Variants in TMEM51 observed in about 807,000 individuals in gnomAD.
The protein encoded by TMEM51 is transmembrane protein 51.
In TMEM51, 8 loss-of-function variants were observed where a neutral mutation model predicts 13.6. The observed-to-expected ratio is 0.59, with a 90% CI of 0.35 to 1.07. The LOEUF (loss-of-function observed/expected upper bound fraction) is 1.07. Ranked by LOEUF, TMEM51 falls within the 50% of genes least tolerant of loss-of-function variation. The pLI, the probability that TMEM51 is intolerant of heterozygous loss-of-function variation, is 0.02. For missense variants in TMEM51, 279 were observed against 330.7 expected, an observed-to-expected ratio of 0.84 and a Z score of 1.21; for synonymous variants, 147 against 144.4, an observed-to-expected ratio of 1.02 and a Z score of -0.13.
intron 1 of TMEM51, among the ~76,000 whole-genome samples, chr1:15,162,342 T>C (rs1421250385): frequency 6.6e-6 from 1 of 151,942 alleles, no homozygotes; most frequent in African/African-American, 2.4e-5. Flanking sequence ...TTTGTATTTT[T>C]AGTAGAGATG....
intron 1 of TMEM51, among the ~76,000 whole-genome samples, chr1:15,157,755 C>A (rs1480154763): frequency 6.6e-6 from 1 of 152,182 alleles, no homozygotes; most frequent in African/African-American, 2.4e-5. Context: ...GTGCATTTAT[C>A]TGGCACTCCC....
intron 2 of TMEM51, among the ~76,000 whole-genome samples, chr1:15,214,545 G>A (rs997597236): frequency 1.3e-5 from 2 of 152,168 alleles, no homozygotes; most frequent in African/African-American, 4.8e-5. Context: ...TCATCCCATC[G>A]CTCACTCTCC....
At chr1:15,191,279 C>G (rs1362387619) in intron 1 of TMEM51, among the ~76,000 whole-genome samples, 1 of 152,236 alleles carries the variant, frequency 6.6e-6, no homozygotes, top group African/African-American at 2.4e-5. Flanking sequence ...AGAAGGAACA[C>G]AGCCGTTGGT....
chr1:15,206,009 G>A (rs1469129894), intron 1 of TMEM51, among the ~76,000 whole-genome samples: 2 of 152,194 alleles, frequency 1.3e-5, no homozygotes, highest in Non-Finnish European at 2.9e-5. Context: ...GGCTGAGGCA[G>A]GCAGATTGCT....
At chr1:15,191,543 C>T (rs919925274) in intron 1 of TMEM51, among the ~76,000 whole-genome samples, 4 of 152,346 alleles carry the variant, frequency 2.6e-5, no homozygotes, top group African/African-American at 9.6e-5. Context: ...GCAGCCACCA[C>T]TGCCATTCCC....
intron 1 of TMEM51, among the ~76,000 whole-genome samples, chr1:15,189,648 G>T (rs1290205094): frequency 2.0e-5 from 3 of 152,296 alleles, no homozygotes; most frequent in Admixed American, 2.0e-4. Context: ...CACAGTGCTG[G>T]TTATGAGCCT....
At chr1:15,213,448 G>A (rs1014143161) in intron 2 of TMEM51, among the ~76,000 whole-genome samples, 1 of 152,188 alleles carries the variant, frequency 6.6e-6, no homozygotes, top group African/African-American at 2.4e-5. Flanking sequence ...TCCTTGCCCA[G>A]CTAAACATCT....
intron 2 of TMEM51, among the ~76,000 whole-genome samples, chr1:15,213,429 G>T (rs1055632245): frequency 3.9e-5 from 6 of 152,172 alleles, no homozygotes; most frequent in Non-Finnish European, 8.8e-5. Flanking sequence ...ATGCAGAATT[G>T]AAAACAGGTC....
chr1:15,155,803 TG>T (rs143259327), intron 1 of TMEM51, among the ~76,000 whole-genome samples: 32,857 of 152,064 alleles, frequency 0.22, 3,613 homozygotes, highest in East Asian at 0.31. Context: ...GCACCTTCTG[TG>T]GGCCAGGCGC....
At chr1:15,168,089 A>G (rs1029522063) in intron 1 of TMEM51, among the ~76,000 whole-genome samples, 3 of 152,218 alleles carry the variant, frequency 2.0e-5, no homozygotes, top group African/African-American at 7.2e-5. Context: ...TCTGCATATA[A>G]TGATGCTTTT....
At chr1:15,217,246 A>G (rs1204222168) in intron 3 of TMEM51, among the ~76,000 whole-genome samples, 1 of 152,206 alleles carries the variant, frequency 6.6e-6, no homozygotes, top group Non-Finnish European at 1.5e-5. Context: ...CAATGTTACC[A>G]GTTACCACCC....
At chr1:15,176,957 G>A (rs1035779966) in intron 1 of TMEM51, among the ~76,000 whole-genome samples, 1 of 152,206 alleles carries the variant, frequency 6.6e-6, no homozygotes, top group Non-Finnish European at 1.5e-5. Flanking sequence ...AAGAAGCAAC[G>A]TATTTGGGAG....
chr1:15,161,358 T>G lies in TMEM51; in HGVS notation c.-267+7404T>G, dbSNP rs1324052371. 6.6e-6 allele frequency among the ~76,000 whole-genome samples: 1 copy of G among 151,166 alleles called. No individual in the cohort carries two copies. The highest frequency in any genetic ancestry group is 1.5e-5 in the Non-Finnish European group (1 of 67,910). On this transcript the variant is annotated intron_variant, in intron 1 of 3. Transcript: ENST00000376008. This position sits in a 1 kb window ranked among gnomAD's most constrained non-coding sequence, Gnocchi z 4.0. ...CCCATCTCTACTAAAAATAGAAAAA[T>G]TACCCGGTATGGTGGCAGGTGCCTG...
intron 1 of TMEM51, among the ~76,000 whole-genome samples, chr1:15,159,743 G>A (rs768535276): frequency 1.1e-4 from 17 of 152,232 alleles, no homozygotes; most frequent in African/African-American, 4.1e-4. Context: ...TTTTAGTAGC[G>A]ATGGGATTTC....
At chr1:15,213,661 G>C (rs1003414714) in intron 2 of TMEM51, among the ~76,000 whole-genome samples, 1 of 152,174 alleles carries the variant, frequency 6.6e-6, no homozygotes, top group African/African-American at 2.4e-5. Context: ...TTTAGCGCAG[G>C]GTCTCTGGGC....
At chr1:15,185,275 CTG>C (rs145823629) in intron 1 of TMEM51, among the ~76,000 whole-genome samples, 12,748 of 152,230 alleles carry the variant, frequency 0.084, 680 homozygotes, top group Non-Finnish European at 0.12. Context: ...TTGCCCAAAA[CTG>C]TATTCATTCT....
At chr1:15,156,198 C>T (rs1422600994) in intron 1 of TMEM51, among the ~76,000 whole-genome samples, 1 of 152,204 alleles carries the variant, frequency 6.6e-6, no homozygotes, top group Non-Finnish European at 1.5e-5. Flanking sequence ...GCCCCTCCAG[C>T]TGCGACTCTC....
At chr1:15,156,450 A>T (rs181912908) in intron 1 of TMEM51, among the ~76,000 whole-genome samples, 11 of 152,290 alleles carry the variant, frequency 7.2e-5, no homozygotes, top group Admixed American at 7.2e-4. Flanking sequence ...GCCCCAAATT[A>T]AGGTGGGAGT....
Position 15,201,295 on chromosome 1 carries a change from C to T in TMEM51, c.-266-9195C>T, listed in dbSNP as rs549616022. On this transcript the variant is annotated intron_variant, in intron 1 of 3. Coordinates refer to ENST00000376008, the MANE Select transcript of TMEM51 (RefSeq NM_001136218.2). ...GTGATTATATTAAGTAAATAATATTCGTAATAGGTCGTTAAGAAAAATAAA... is the reference window on the plus strand; with the variant it reads ...GTGATTATATTAAGTAAATAATATTTGTAATAGGTCGTTAAGAAAAATAAA... 1.2e-4 allele frequency among the ~76,000 whole-genome samples: 18 copies of T among 150,304 alleles called. No homozygotes were observed. The South Asian group carries it at 2.8e-3, about 23-fold the overall frequency.
Sources: gnomAD v4.1 joint callset for allele counts (sites outside exome capture counted in the v4.1 genomes callset) on GRCh38, gnomAD v4.1.1 for gene constraint, Gnocchi (gnomAD v3.1) non-coding constraint, MANE v1.5 for transcripts, NCBI Gene and HGNC (gene_info 2026-07-23, HGNC 2026-07-21) for gene names.